Variants in ABL1 observed in about 807,000 individuals in gnomAD.
The protein encoded by ABL1 is ABL proto-oncogene 1, non-receptor tyrosine kinase.
A neutral mutation model predicts 94.7 loss-of-function variants in ABL1; 11 were observed. The observed-to-expected ratio is 0.12, with a 90% confidence interval of 0.07 to 0.19. ABL1 has a LOEUF of 0.19. ABL1 is among the 10% of genes least tolerant of loss of function. The pLI is 1.00. For synonymous variants in ABL1, 656 were observed against 622.4 expected, an observed-to-expected ratio of 1.05 and a Z score of -0.80; for missense variants, 1,082 against 1,489.4, an observed-to-expected ratio of 0.73 and a Z score of 4.50.
chr9:130,842,411 A>T (rs1204285640), intron 1 of ABL1, among the ~76,000 whole-genome samples: 1 of 152,230 alleles, frequency 6.6e-6, no homozygotes, highest in Non-Finnish European at 1.5e-5. Flanking sequence ...TCTCTATAGA[A>T]ACCTAGTCTT....
intron 1 of ABL1, among the ~76,000 whole-genome samples, chr9:130,728,268 A>G (rs1831615695): frequency 8.2e-6 from 1 of 122,470 alleles, no homozygotes; most frequent in Non-Finnish European, 1.6e-5. Flanking sequence ...GGGTTTCATC[A>G]TGTTACCCAG....
intron 6 of ABL1, 78 bp from the exon 7 acceptor site, chr9:130,874,790 C>A: frequency 1.4e-6 from 2 of 1,463,102 alleles, no homozygotes; most frequent in Non-Finnish European, 1.9e-6. Flanking sequence ...CAGCATTGCA[C>A]CTTTGCTCAG....
At chr9:130,849,310 A>T (rs2132946010) in intron 1 of ABL1, among the ~76,000 whole-genome samples, 1 of 152,296 alleles carries the variant, frequency 6.6e-6, no homozygotes, top group Middle Eastern at 3.4e-3. Flanking sequence ...GGTAAATCAG[A>T]TATTAAATTC....
At chr9:130,867,121 T>C (rs576131802) in intron 4 of ABL1, among the ~76,000 whole-genome samples, 2 of 152,386 alleles carry the variant, frequency 1.3e-5, no homozygotes, top group East Asian at 3.9e-4. Flanking sequence ...ATGAGCTAAC[T>C]GACAAATTTA....
At chr9:130,748,882 A>G (rs937860787) in intron 1 of ABL1, among the ~76,000 whole-genome samples, 1 of 152,164 alleles carries the variant, frequency 6.6e-6, no homozygotes, top group African/African-American at 2.4e-5. Context: ...TGGCCTCTAT[A>G]TAAGCTTTTA....
At position 130,885,907 on chromosome 9, in the gene ABL1, C is replaced by T. The variant is rs371095031; in HGVS notation, c.*224C>T. 1.0e-5 allele frequency: 6 copies of T among 587,906 alleles called. No homozygotes were observed. The highest frequency in any genetic ancestry group is 3.7e-5 in the African/African-American group (2 of 53,684). The allele number at this position is 587,906 out of a possible 1,614,324, so 36.4% of individuals were successfully genotyped here. A position where few individuals can be genotyped will look rare whatever the true frequency, so the allele number is the denominator to read the frequency against. On this transcript the variant is annotated 3_prime_UTR_variant, in exon 11 of 11. Coordinates refer to ENST00000318560, the MANE Select transcript of ABL1 (RefSeq NM_005157.6). ...CTCCTCCCCGCTCCGTCTCTGTCCT[C>T]GAATTTTATCTGTGGAGTTCCTGCT...
Position 130,854,887 on chromosome 9 carries a change from A to G in ABL1, c.340A>G (p.Asn114Asp). ...TKNGQGWVPS[N>D]YITPVNSLEK... ...AAATGGCCAAGGCTGGGTCCCAAGC[A>G]ACTACATCACGCCAGTCAACAGTCT... The change falls in exon 3 of 11, where the codon AAC (asparagine) becomes GAC (aspartate). Residue 114 changes from asparagine to aspartate, a missense_variant. Physicochemically the swap from Asn to Asp is conservative, Grantham distance 23 (BLOSUM62 1). Around this residue, in one of 7 missense-constraint regions of ABL1, gnomAD observed 47 missense variants for 142.2 expected, o/e 0.33. Coordinates refer to ENST00000318560, the MANE Select transcript of ABL1 (RefSeq NM_005157.6). The G allele has an allele frequency of 6.2e-7, 1 of 1,614,234 alleles. No homozygotes were observed. The highest frequency in any genetic ancestry group is 8.5e-7 in the Non-Finnish European group (1 of 1,180,030).
chr9:130,840,450 A>T (rs1414225396), intron 1 of ABL1, among the ~76,000 whole-genome samples: 2 of 152,204 alleles, frequency 1.3e-5, no homozygotes, highest in Non-Finnish European at 2.9e-5. Context: ...CACCTTGTAA[A>T]ATCAAGTCAT....
chr9:130,828,055 A>G (rs1189659155), intron 1 of ABL1, among the ~76,000 whole-genome samples: 1 of 151,758 alleles, frequency 6.6e-6, no homozygotes, highest in Non-Finnish European at 1.5e-5. Context: ...AACAATCAGA[A>G]TAAGAATAAA....
At chr9:130,876,821 C>T (rs1831353247) in intron 7 of ABL1, among the ~76,000 whole-genome samples, 1 of 142,334 alleles carries the variant, frequency 7.0e-6, no homozygotes, top group Non-Finnish European at 1.5e-5. Flanking sequence ...ACTGCAAGCT[C>T]CGCCTTCCGG....
rs1831081662 is a variant in ABL1, at chr9:130,862,032, G to T, written c.550-731G>T. 6.6e-6 allele frequency among the ~76,000 whole-genome samples: 1 copy of T among 152,220 alleles called. No individual in the cohort carries two copies. Among genetic ancestry groups the T allele is most frequent in the African/African-American group, 2.4e-5 (1 of 41,460 alleles). ...TCTCACACGGGGACCGAATGCTCTT[G>T]TGTCGTAAATCCTTCCTTTTGCTTC... On this transcript the variant is annotated intron_variant, in intron 3 of 10. Transcript: ENST00000318560. This position sits in a 1 kb window ranked among gnomAD's most constrained non-coding sequence, Gnocchi z 5.5.
At chr9:130,725,036 CG>C (rs1831563498) in intron 1 of ABL1, 1 of 221,756 alleles carries the variant, frequency 4.5e-6, no homozygotes, top group Admixed American at 4.8e-5. Flanking sequence ...CAAACGATAA[CG>C]TTCCCTTTGT....
intron 1 of ABL1, among the ~76,000 whole-genome samples, chr9:130,782,905 A>G (rs1829774311): frequency 6.6e-6 from 1 of 152,234 alleles, no homozygotes. Flanking sequence ...TGAAAGAACA[A>G]TGCACCTAGA....
intron 1 of ABL1, among the ~76,000 whole-genome samples, chr9:130,778,794 G>T (rs754684268): frequency 6.6e-5 from 10 of 151,858 alleles, no homozygotes; most frequent in Non-Finnish European, 1.2e-4. Flanking sequence ...ATGAGTGCAT[G>T]TGCTCAGTCC....
chr9:130,839,524 A>G (rs1193455180), intron 1 of ABL1, among the ~76,000 whole-genome samples: 3 of 152,240 alleles, frequency 2.0e-5, no homozygotes, highest in African/African-American at 7.2e-5. Flanking sequence ...GGCACTGAGC[A>G]CATCATGTGC....
intron 1 of ABL1, among the ~76,000 whole-genome samples, chr9:130,733,050 G>A (rs1483211988): frequency 1.3e-5 from 2 of 152,198 alleles, no homozygotes. Context: ...ATTTGTATGA[G>A]AATAAGAGGA....
At chr9:130,808,652 AG>A (rs1769734782) in intron 1 of ABL1, among the ~76,000 whole-genome samples, 1 of 152,208 alleles carries the variant, frequency 6.6e-6, no homozygotes, top group Non-Finnish European at 1.5e-5. Context: ...AAAATAAGAC[AG>A]TTTCACCTTG....
intron 1 of ABL1, among the ~76,000 whole-genome samples, chr9:130,829,226 A>G (rs1450358714): frequency 6.6e-6 from 1 of 152,180 alleles, no homozygotes; most frequent in East Asian, 1.9e-4. Flanking sequence ...CTGTGAAGCT[A>G]CTGGATGATG....
At chr9:130,874,800 G>A (rs1831313656) in intron 6 of ABL1, 68 bp from the exon 7 acceptor site, 9 of 1,518,946 alleles carry the variant, frequency 5.9e-6, no homozygotes, top group Non-Finnish European at 8.2e-6. Flanking sequence ...CCTTTGCTCA[G>A]CAGTGGTGGA....
Sources: gnomAD v4.1 joint callset for allele counts (sites outside exome capture counted in the v4.1 genomes callset) on GRCh38, gnomAD v4.1.1 for gene constraint, gnomAD v4.1.1 regional missense constraint, Gnocchi (gnomAD v3.1) non-coding constraint, MANE v1.5 for transcripts, NCBI Gene and HGNC (gene_info 2026-07-23, HGNC 2026-07-21) for gene names.